DDX10: variants seen among roughly 807,000 people sequenced by gnomAD.
DDX10 encodes the protein DEAD-box helicase 10.
Under a neutral mutation model 104.3 loss-of-function variants are expected in DDX10, and 74 were observed. The ratio of observed to expected loss-of-function variants is 0.71; its 90% CI spans 0.59 to 0.86. The LOEUF (loss-of-function observed/expected upper bound fraction) is 0.86, where lower values mean the gene tolerates loss of function less well. Among genes scored for constraint, DDX10 ranks in the 40% least tolerant of loss-of-function variants. The pLI, the probability that DDX10 is intolerant of heterozygous loss-of-function variation, is 0.00. For synonymous variants in DDX10, 351 were observed against 353.4 expected (o/e 0.99, Z 0.08); for missense variants, 952 against 1,040.0 (o/e 0.92, Z 1.16).
At chr11:108,792,116 G>A (rs1861879326) in intron 13 of DDX10, among the ~76,000 whole-genome samples, 1 of 151,880 alleles carries the variant, frequency 6.6e-6, no homozygotes, top group African/African-American at 2.4e-5. Flanking sequence ...TTTAAAAATG[G>A]GTTGTTTATC....
At position 108,781,402 on chromosome 11, in the gene DDX10, A is replaced by G. The variant is rs546601462; in HGVS notation, c.1966-57044A>G. Among the ~76,000 whole-genome samples the G allele has an allele frequency of 3.9e-5, 6 of 152,160 alleles. No individual in the cohort carries two copies. The East Asian group carries it at 5.8e-4, about 15-fold the overall frequency. ...ATGTGTCTTTTTGGTATAATGATCTATTTTCCTCTGGGTATGAACCCAGTA... is the reference window on the plus strand; with the variant it reads ...ATGTGTCTTTTTGGTATAATGATCTGTTTTCCTCTGGGTATGAACCCAGTA... On this transcript the variant is annotated intron_variant, in intron 13 of 17. Coordinates refer to ENST00000322536, the MANE Select transcript of DDX10 (RefSeq NM_004398.4).
At chr11:108,911,113 T>C (rs1337806045) in intron 16 of DDX10, among the ~76,000 whole-genome samples, 1 of 152,178 alleles carries the variant, frequency 6.6e-6, no homozygotes, top group East Asian at 1.9e-4. Flanking sequence ...ATTTTAATGC[T>C]TATGTGGGTA....
At chr11:108,754,159 C>G (rs142632997) in intron 13 of DDX10, among the ~76,000 whole-genome samples, 1 of 152,012 alleles carries the variant, frequency 6.6e-6, no homozygotes, top group Non-Finnish European at 1.5e-5. Context: ...GCTGTGTTGT[C>G]GGAAGTGAAT....
chr11:108,796,893 A>G (rs546673273), intron 13 of DDX10, among the ~76,000 whole-genome samples: 6 of 152,174 alleles, frequency 3.9e-5, no homozygotes, highest in Middle Eastern at 3.4e-3. Context: ...TCTGTTTCGT[A>G]TGTGTGATGC....
Position 108,940,514 on chromosome 11 carries a change from AC to A in DDX10, c.*93del. The A allele has an allele frequency of 7.6e-7, 1 of 1,319,092 alleles. No individual in the cohort carries two copies. The highest frequency in any genetic ancestry group is 1.0e-6 in the Non-Finnish European group (1 of 952,948). The allele number at this position is 1,319,092 out of a possible 1,614,324, so 81.7% of individuals were successfully genotyped here. ...ACAGTTGATTTGGGGGCACTTAGGTACCATATGCCCCATTCCCAAAGGGCAC... is the reference window on the plus strand; with the variant it reads ...ACAGTTGATTTGGGGGCACTTAGGTACATATGCCCCATTCCCAAAGGGCAC... On this transcript the variant is annotated 3_prime_UTR_variant, in exon 18 of 18. Transcript: ENST00000322536.
chr11:108,896,481 T>C (rs1249415294), intron 16 of DDX10, among the ~76,000 whole-genome samples: 1 of 152,194 alleles, frequency 6.6e-6, no homozygotes, highest in Admixed American at 6.5e-5. Flanking sequence ...TATACTGGTA[T>C]CTGTTTAGTT....
intron 13 of DDX10, among the ~76,000 whole-genome samples, chr11:108,804,380 G>A (rs749462036): frequency 6.6e-6 from 1 of 151,028 alleles, no homozygotes; most frequent in Non-Finnish European, 1.5e-5. Context: ...TGTGTGTGTG[G>A]TCCCACTTAG....
intron 16 of DDX10, among the ~76,000 whole-genome samples, chr11:108,861,756 A>G (rs187922728): frequency 2.6e-5 from 4 of 152,258 alleles, no homozygotes; most frequent in Admixed American, 2.0e-4. Context: ...TCATCAAGCT[A>G]TAAGCCTATG....
chr11:108,786,153 T>G (rs1861787203), intron 13 of DDX10, among the ~76,000 whole-genome samples: 1 of 152,116 alleles, frequency 6.6e-6, no homozygotes. Flanking sequence ...TGTTTTTGTG[T>G]TATTTTTGAG....
At chr11:108,753,251 T>C (rs966604579) in intron 13 of DDX10, among the ~76,000 whole-genome samples, 3 of 152,104 alleles carry the variant, frequency 2.0e-5, no homozygotes, top group African/African-American at 4.8e-5. Context: ...TGAATGCTTA[T>C]CCTTGGTTGG....
intron 13 of DDX10, chr11:108,768,082 T>C (rs773202632): frequency 6.6e-6 from 1 of 152,358 alleles, no homozygotes; most frequent in Non-Finnish European, 1.5e-5. Context: ...GACTGTGATA[T>C]ATAATACATG....
At chr11:108,723,629 TGAA>T in intron 13 of DDX10, among the ~76,000 whole-genome samples, 167 bp downstream of exon 13, 1 of 152,192 alleles carries the variant, frequency 6.6e-6, no homozygotes, top group Non-Finnish European at 1.5e-5. Context: ...TAAGTGCCAA[TGAA>T]TTTTCATATT....
intron 12 of DDX10, among the ~76,000 whole-genome samples, chr11:108,720,136 G>T (rs954196367): frequency 2.0e-5 from 3 of 152,190 alleles, no homozygotes; most frequent in African/African-American, 7.2e-5. Context: ...TACGTTAAAA[G>T]AATCTGTTTG....
intron 13 of DDX10, among the ~76,000 whole-genome samples, chr11:108,829,097 G>A (rs1488123610): frequency 6.6e-6 from 1 of 152,058 alleles, no homozygotes; most frequent in African/African-American, 2.4e-5. Context: ...TTTTCCTCTG[G>A]GTAGATACCT....
At chr11:108,816,704 C>A (rs1203707806) in intron 13 of DDX10, among the ~76,000 whole-genome samples, 1 of 152,050 alleles carries the variant, frequency 6.6e-6, no homozygotes, top group East Asian at 1.9e-4. Context: ...AGGTGCCCAC[C>A]ACCAGGCCCG....
intron 13 of DDX10, among the ~76,000 whole-genome samples, chr11:108,754,110 C>T (rs1396206502): frequency 6.6e-6 from 1 of 151,882 alleles, no homozygotes; most frequent in Non-Finnish European, 1.5e-5. Flanking sequence ...AAGTAATAGG[C>T]TTTCTATAAT....
intron 13 of DDX10, among the ~76,000 whole-genome samples, chr11:108,727,117 A>C (rs1565260105): frequency 6.6e-6 from 1 of 151,728 alleles, no homozygotes; most frequent in Non-Finnish European, 1.5e-5. Context: ...GTTGTGAGGG[A>C]TATTGGTTTG....
chr11:108,772,572 G>A (rs2094364633), intron 13 of DDX10, among the ~76,000 whole-genome samples: 1 of 152,208 alleles, frequency 6.6e-6, no homozygotes. Context: ...TGGATTTTGG[G>A]CTTCTGGCTT....
intron 13 of DDX10, among the ~76,000 whole-genome samples, chr11:108,745,796 C>T (rs758487035): frequency 1.3e-5 from 2 of 152,140 alleles, no homozygotes; most frequent in Non-Finnish European, 2.9e-5. Context: ...TTGAAGTCTT[C>T]TAGACCTTGA....
Sources: allele counts gnomAD v4.1 joint callset (sites outside exome capture counted in the v4.1 genomes callset), GRCh38; gene constraint gnomAD v4.1.1; transcripts MANE v1.5; gene names NCBI Gene and HGNC (gene_info 2026-07-23, HGNC 2026-07-21).